Variants in PRDM5 observed in about 807,000 individuals in gnomAD.
PRDM5 encodes PR/SET domain 5, also known as PR domain zinc finger protein 5.
In PRDM5, 56 loss-of-function variants were observed where a neutral mutation model predicts 81.2. The observed-to-expected ratio is 0.69, with a 90% CI of 0.56 to 0.86. The LOEUF (loss-of-function observed/expected upper bound fraction) is 0.86. Ranked by LOEUF, PRDM5 falls within the 40% of genes least tolerant of loss-of-function variation. PRDM5 has a pLI of 0.00. For missense variants in PRDM5, 697 were observed against 770.1 expected (o/e 0.91, Z 1.12); for synonymous variants, 267 against 256.4 (o/e 1.04, Z -0.39).
At chr4:120,844,629 C>G (rs1168297997) in intron 3 of PRDM5, among the ~76,000 whole-genome samples, 3 of 152,176 alleles carry the variant, frequency 2.0e-5, no homozygotes, top group Non-Finnish European at 4.4e-5. Flanking sequence ...CCATCTCTCT[C>G]TCTCTCCTCA....
At chr4:120,735,813 A>G (rs1420348462) in intron 14 of PRDM5, among the ~76,000 whole-genome samples, 2 of 152,112 alleles carry the variant, frequency 1.3e-5, no homozygotes, top group African/African-American at 2.4e-5. Flanking sequence ...GGCTGAGGAG[A>G]ACCCAGGCTC....
intron 8 of PRDM5, among the ~76,000 whole-genome samples, chr4:120,802,195 A>G (rs1752206557): frequency 6.6e-6 from 1 of 152,220 alleles, no homozygotes; most frequent in Non-Finnish European, 1.5e-5. Flanking sequence ...GCATTTGTGC[A>G]TTGACTATCT....
rs1005349366 is a variant in PRDM5, at chr4:120,692,214, C to T, written c.*2897G>A. On this transcript the variant is annotated 3_prime_UTR_variant, in exon 16 of 16. Transcript: ENST00000264808. ...TGAGAAAGGAAGCAGCACATAAAAT[C>T]TAAAACAGAAACTAAGGCTGTAAGA... The T allele has an allele frequency of 6.6e-6, 1 of 152,052 alleles. No individual in the cohort carries two copies. The highest frequency in any genetic ancestry group is 1.5e-5 in the Non-Finnish European group (1 of 67,982). 9.4% of individuals were successfully genotyped at this position (152,052 alleles called of 1,614,324 possible). A position where few individuals can be genotyped will look rare whatever the true frequency, so the allele number is the denominator to read the frequency against.
intron 11 of PRDM5, among the ~76,000 whole-genome samples, chr4:120,781,568 A>G (rs1242505517): frequency 1.3e-5 from 2 of 152,178 alleles, no homozygotes; most frequent in Non-Finnish European, 2.9e-5. Context: ...GTTACCATGA[A>G]CATTTTTTAA....
At chr4:120,772,986 C>G (rs1199646086) in intron 13 of PRDM5, among the ~76,000 whole-genome samples, 1 of 152,156 alleles carries the variant, frequency 6.6e-6, no homozygotes, top group Non-Finnish European at 1.5e-5. Flanking sequence ...GGCAGTTTCA[C>G]TTGAGAACAT....
At chr4:120,716,627 C>T (rs754531279) in intron 14 of PRDM5, among the ~76,000 whole-genome samples, 4 of 152,174 alleles carry the variant, frequency 2.6e-5, no homozygotes. Context: ...GAAGATATCA[C>T]AAGAAGATAT....
chr4:120,688,327 T>G (rs1171540750), downstream of PRDM5, among the ~76,000 whole-genome samples: 3 of 151,996 alleles, frequency 2.0e-5, no homozygotes, highest in African/African-American at 7.2e-5. Flanking sequence ...TTCAATTGGG[T>G]TGTTTTTTAT....
intron 2 of PRDM5, among the ~76,000 whole-genome samples, chr4:120,870,838 TAAG>T (rs923448558): frequency 3.9e-5 from 6 of 152,286 alleles, no homozygotes; most frequent in African/African-American, 9.6e-5. Context: ...AGATTCCTCC[TAAG>T]AAGGAGATTT....
intron 2 of PRDM5, among the ~76,000 whole-genome samples, chr4:120,905,029 A>C (rs1452813398): frequency 6.6e-6 from 1 of 152,206 alleles, no homozygotes; most frequent in East Asian, 1.9e-4. Flanking sequence ...CCTTCATAGT[A>C]AAAGAATTAA....
intron 8 of PRDM5, among the ~76,000 whole-genome samples, chr4:120,810,860 A>T (rs932327504): frequency 6.6e-6 from 1 of 152,166 alleles, no homozygotes; most frequent in Non-Finnish European, 1.5e-5. Context: ...GCTGCCTCAC[A>T]TGTTATAAGT....
chr4:120,705,559 T>C (rs1174237841), intron 15 of PRDM5, among the ~76,000 whole-genome samples: 1 of 152,036 alleles, frequency 6.6e-6, no homozygotes, highest in East Asian at 1.9e-4. Flanking sequence ...AAAGAGGCCA[T>C]GTGACCAGAG....
chr4:120,740,586 T>C (rs1212145573), intron 14 of PRDM5, among the ~76,000 whole-genome samples: 2 of 152,162 alleles, frequency 1.3e-5, no homozygotes, highest in African/African-American at 4.8e-5. Flanking sequence ...ACTGAGTATG[T>C]CTAAACCTTG....
At chr4:120,784,067 T>G (rs1046799196) in intron 11 of PRDM5, among the ~76,000 whole-genome samples, 1 of 152,174 alleles carries the variant, frequency 6.6e-6, no homozygotes, top group Non-Finnish European at 1.5e-5. Flanking sequence ...GAAGTGTAAA[T>G]ATTACCCATG....
At chr4:120,851,024 G>C (rs1759203133) in intron 3 of PRDM5, among the ~76,000 whole-genome samples, 1 of 152,092 alleles carries the variant, frequency 6.6e-6, no homozygotes, top group African/African-American at 2.4e-5. Flanking sequence ...TTACAAGTAA[G>C]ATGTTCAGTT....
At chr4:120,857,419 T>C (rs1561508883) in intron 2 of PRDM5, among the ~76,000 whole-genome samples, 1 of 152,148 alleles carries the variant, frequency 6.6e-6, no homozygotes, top group Non-Finnish European at 1.5e-5. Flanking sequence ...ATGAAAACTT[T>C]TATGCTTCAA....
chr4:120,803,005 T>C (rs1752365341), intron 8 of PRDM5, among the ~76,000 whole-genome samples: 2 of 151,720 alleles, frequency 1.3e-5, no homozygotes, highest in Admixed American at 1.3e-4. Flanking sequence ...TGTAGGGAAG[T>C]CCTTAAATGA....
At chr4:120,887,786 CTTTTTTTTTTTT>C (rs773355512) in intron 2 of PRDM5, among the ~76,000 whole-genome samples, 1 of 85,208 alleles carries the variant, frequency 1.2e-5, no homozygotes, top group East Asian at 3.3e-4. Flanking sequence ...ACATTTTATC[CTTTTTTTTTTTT>C]TTTTTTTTTT....
At chr4:120,784,699 AC>A (rs1455309944) in intron 11 of PRDM5, among the ~76,000 whole-genome samples, 1 of 152,190 alleles carries the variant, frequency 6.6e-6, no homozygotes, top group East Asian at 1.9e-4. Flanking sequence ...ATGTGTCAAA[AC>A]AAAACTCAAA....
At chr4:120,837,783 C>G (rs777538464) in intron 3 of PRDM5, 1 of 152,108 alleles carries the variant, frequency 6.6e-6, no homozygotes, top group Non-Finnish European at 1.5e-5. Context: ...TAACTCACAG[C>G]AAGAATGACT....
Sources: allele counts gnomAD v4.1 joint callset (sites outside exome capture counted in the v4.1 genomes callset), GRCh38; gene constraint gnomAD v4.1.1; transcripts MANE v1.5; gene names NCBI Gene and HGNC (gene_info 2026-07-23, HGNC 2026-07-21).